PPIL4: variants seen among roughly 807,000 people sequenced by gnomAD.
The protein encoded by PPIL4 is peptidyl-prolyl cis-trans isomerase-like 4.
PPIL4 carries 50 observed loss-of-function variants against 69.1 expected under a neutral mutation model. The ratio of observed to expected loss-of-function variants is 0.72; its 90% CI spans 0.58 to 0.92. The LOEUF (loss-of-function observed/expected upper bound fraction) is 0.92, where lower values mean the gene tolerates loss of function less well. Ranked by LOEUF, PPIL4 falls within the 40% of genes least tolerant of loss-of-function variation. The pLI, the probability that PPIL4 is intolerant of heterozygous loss-of-function variation, is 0.00. For missense variants in PPIL4, 480 were observed against 587.9 expected (o/e 0.82, Z 1.90); for synonymous variants, 193 against 191.6 (o/e 1.01, Z -0.06).
At chr6:149,540,530 G>C (rs1200317088) in intron 4 of PPIL4, among the ~76,000 whole-genome samples, 1 of 152,182 alleles carries the variant, frequency 6.6e-6, no homozygotes, top group Non-Finnish European at 1.5e-5. Context: ...CAGGAGAATT[G>C]CTTGAACCCG....
At position 149,517,319 on chromosome 6, in the gene PPIL4, A is replaced by G. The variant is rs750960342; in HGVS notation, c.1079+35T>C. On this transcript the variant is annotated intron_variant, in intron 11 of 12. Transcript: ENST00000253329. Reference sequence around the variant, plus strand: ...GTACTCTACACATAGCAGATGGTCAATACATATTAACTAACTGATTCTTGG... The same window carrying G: ...GTACTCTACACATAGCAGATGGTCAGTACATATTAACTAACTGATTCTTGG... 92 of 1,136,148 alleles carry G rather than the reference A, an allele frequency of 8.1e-5. 4 individuals carry two copies. The Middle Eastern group carries it at 6.2e-3, about 77-fold the overall frequency. The allele number at this position is 1,136,148 out of a possible 1,614,324, so 70.4% of individuals were successfully genotyped here.
At position 149,535,706 on chromosome 6, in the gene PPIL4, A is replaced by G; in HGVS notation, c.354T>C (p.Tyr118=). ...FLITTGENLD[Y]LDGVHTVFGE... is the part of the protein sequence containing the mutation. ...CAAACACCGTATGGACACCATCAAG[A>G]TAATCTAGATTTTCTCCTGTGGTGA... Residue 118 remains tyrosine (Y), a synonymous_variant, in exon 5 of 13, where the codon TAT becomes TAC. Coordinates refer to ENST00000253329, the MANE Select transcript of PPIL4 (RefSeq NM_139126.4). 1.9e-6 allele frequency: 3 copies of G among 1,608,950 alleles called. No homozygotes were observed. In the South Asian group the frequency reaches 3.3e-5, roughly 18 times the overall value.
At chr6:149,508,874 C>T (rs1283559047) in intron 12 of PPIL4, among the ~76,000 whole-genome samples, 2 of 152,092 alleles carry the variant, frequency 1.3e-5, no homozygotes, top group African/African-American at 2.4e-5. Context: ...AGTTAAAATA[C>T]TCTTGGGAAA....
chr6:149,516,431 T>G (rs894505480), intron 11 of PPIL4, among the ~76,000 whole-genome samples: 1 of 152,160 alleles, frequency 6.6e-6, no homozygotes, highest in African/African-American at 2.4e-5. Context: ...CAACCTGATA[T>G]TCATCTTTCT....
chr6:149,506,428 C>T (rs1454189344), intron 12 of PPIL4, among the ~76,000 whole-genome samples: 7 of 152,264 alleles, frequency 4.6e-5, no homozygotes, highest in Non-Finnish European at 1.0e-4. Context: ...GCCAAGATTG[C>T]CCCACTGCAC....
chr6:149,517,498 A>G (rs766852344), intron 10 of PPIL4, 48 bp from the exon 11 acceptor site: 34 of 822,732 alleles, frequency 4.1e-5, no homozygotes, highest in Admixed American at 1.1e-4. Flanking sequence ...AAACCACCTA[A>G]CCAAGAACAA....
At chr6:149,513,537 TCAA>T in intron 11 of PPIL4, among the ~76,000 whole-genome samples, 1 of 148,286 alleles carries the variant, frequency 6.7e-6, no homozygotes, top group South Asian at 2.1e-4. Context: ...TTATAGTACT[TCAA>T]CAAGATACAA....
chr6:149,537,237 C>G (rs112510957), intron 4 of PPIL4, among the ~76,000 whole-genome samples: 5,036 of 152,064 alleles, frequency 0.033, 299 homozygotes, highest in African/African-American at 0.11. Flanking sequence ...GAAGACGAAA[C>G]AGCCTTATAT....
rs184388717 is a variant in PPIL4 at position 149,536,530 on chromosome 6, G to C, written c.322-792C>G. ...GATAAAATGAAACAGGCTTACTGCT[G>C]ATATGAAGAAGGTTTTAGTAATCTA... On this transcript the variant is annotated intron_variant, in intron 4 of 12. Transcript: ENST00000253329. Among the ~76,000 whole-genome samples the C allele has an allele frequency of 9.9e-5, 15 of 152,250 alleles. No individual in the cohort carries two copies. In the East Asian group the frequency reaches 1.2e-3, roughly 12 times the overall value.
At chr6:149,507,825 A>G (rs1776789173) in intron 12 of PPIL4, among the ~76,000 whole-genome samples, 1 of 152,224 alleles carries the variant, frequency 6.6e-6, no homozygotes, top group African/African-American at 2.4e-5. Flanking sequence ...TTTGACATTT[A>G]GGAGATGTGT....
chr6:149,525,354 A>G, intron 8 of PPIL4, 145 bp from the exon 9 acceptor site: 1 of 523,586 alleles, frequency 1.9e-6, no homozygotes. Flanking sequence ...TTCATTTAAT[A>G]ACAATTCTTT....
intron 9 of PPIL4, among the ~76,000 whole-genome samples, chr6:149,524,143 A>G (rs1374688916): frequency 2.0e-5 from 3 of 152,354 alleles, no homozygotes; most frequent in Middle Eastern, 3.4e-3. Context: ...TGTAAACTCA[A>G]TGGGAACAGA....
At chr6:149,533,338 C>A in intron 7 of PPIL4, 120 bp downstream of exon 7, 1 of 623,046 alleles carries the variant, frequency 1.6e-6, no homozygotes. Context: ...AAATTTAAAT[C>A]AGAAAAAAAT....
chr6:149,529,599 A>G (rs1285713182), intron 7 of PPIL4, among the ~76,000 whole-genome samples: 10 of 150,876 alleles, frequency 6.6e-5, no homozygotes, highest in African/African-American at 2.4e-4. Flanking sequence ...CGTCTCTACT[A>G]AAAATACAAA....
At chr6:149,540,915 A>G (rs773643574) in intron 4 of PPIL4, 27 bp downstream of exon 4, 3 of 1,371,790 alleles carry the variant, frequency 2.2e-6, no homozygotes, top group Non-Finnish European at 3.1e-6. Flanking sequence ...TTCTAAGCAA[A>G]TCTCATATTC....
At chr6:149,545,858 C>A in intron 1 of PPIL4, 78 bp downstream of exon 1, 1 of 1,359,532 alleles carries the variant, frequency 7.4e-7, no homozygotes, top group African/African-American at 1.4e-5. Context: ...AATCTCTGCC[C>A]TGGACTGCGC....
At chr6:149,541,706 C>T (rs1777365704) in intron 1 of PPIL4, 120 bp from the exon 2 acceptor site, 1 of 610,480 alleles carries the variant, frequency 1.6e-6, no homozygotes, top group Non-Finnish European at 2.9e-6. Context: ...AGTCAAATGT[C>T]CAAAGCTATA....
In PPIL4 at chr6:149,535,310, C is replaced by T. The variant is rs186718287; in HGVS notation, c.464+286G>A. 1.3e-4 allele frequency among the ~76,000 whole-genome samples: 20 copies of T among 152,254 alleles called. 1 individual carries two copies. The East Asian group carries it at 3.3e-3, about 25-fold the overall frequency. On this transcript the variant is annotated intron_variant, in intron 5 of 12. Coordinates refer to ENST00000253329, the MANE Select transcript of PPIL4 (RefSeq NM_139126.4). ...GACAGAGCTTGCAGTGAGCCAAGAT[C>T]GCGCCACTGCACTCCAGCCTGGGCA...
At chr6:149,513,421 A>AT (rs1776891531) in intron 11 of PPIL4, among the ~76,000 whole-genome samples, 1 of 131,770 alleles carries the variant, frequency 7.6e-6, no homozygotes, top group African/African-American at 2.9e-5. Context: ...AAATATATAT[A>AT]TATATATATA....
Sources: allele counts gnomAD v4.1 joint callset (sites outside exome capture counted in the v4.1 genomes callset), GRCh38; gene constraint gnomAD v4.1.1; transcripts MANE v1.5; gene names NCBI Gene and HGNC (gene_info 2026-07-23, HGNC 2026-07-21).